Variants in AKAP6 observed in about 807,000 individuals in gnomAD.
AKAP6 encodes the protein A-kinase anchor protein 6.
A neutral mutation model predicts 188.5 loss-of-function variants in AKAP6; 58 were observed. The observed-to-expected ratio is 0.31, with a 90% CI of 0.25 to 0.38. The LOEUF (loss-of-function observed/expected upper bound fraction) is 0.38. Among genes scored for constraint, AKAP6 ranks in the 10% least tolerant of loss-of-function variants. The pLI is 1.00. For synonymous variants in AKAP6, 989 were observed against 998.6 expected (o/e 0.99, Z 0.18); for missense variants, 2,710 against 2,740.0 (o/e 0.99, Z 0.24).
intron 1 of AKAP6, among the ~76,000 whole-genome samples, chr14:32,405,348 T>A (rs1410576447): frequency 6.6e-6 from 1 of 152,144 alleles, no homozygotes; most frequent in Admixed American, 6.6e-5. Flanking sequence ...CCCTTGCTTG[T>A]ACAGGACAAA....
At chr14:32,652,949 A>G (rs1186530859) in intron 7 of AKAP6, among the ~76,000 whole-genome samples, 1 of 152,158 alleles carries the variant, frequency 6.6e-6, no homozygotes, top group East Asian at 1.9e-4. Flanking sequence ...GCTACTCAGG[A>G]GGCTGAGGTG....
intron 7 of AKAP6, among the ~76,000 whole-genome samples, chr14:32,614,761 A>T (rs1425093477): frequency 1.3e-5 from 2 of 152,132 alleles, no homozygotes; most frequent in East Asian, 3.9e-4. Flanking sequence ...AGTGAATCAC[A>T]GTTAGTCCAT....
intron 7 of AKAP6, among the ~76,000 whole-genome samples, chr14:32,675,680 G>A (rs1396575137): frequency 6.6e-6 from 1 of 152,150 alleles, no homozygotes; most frequent in Admixed American, 6.5e-5. Flanking sequence ...AGAAAGACCT[G>A]GGCCATCTAA....
At chr14:32,666,809 T>C (rs762368010) in intron 7 of AKAP6, among the ~76,000 whole-genome samples, 4 of 152,114 alleles carry the variant, frequency 2.6e-5, no homozygotes, top group Admixed American at 6.5e-5. Context: ...TAAAAATCAC[T>C]ATGGAATTAT....
chr14:32,693,415 A>G (rs78840903), intron 8 of AKAP6: 1 of 152,162 alleles, frequency 6.6e-6, no homozygotes, highest in Non-Finnish European at 1.5e-5. Flanking sequence ...CCTCTCAAGA[A>G]CCCTGGAGTC....
At position 32,735,708 on chromosome 14, in the gene AKAP6, G is replaced by A. The variant is rs368736211; in HGVS notation, c.3198G>A (p.Ser1066=). 193 of 1,613,236 alleles carry A rather than the reference G, an allele frequency of 1.2e-4. No individual in the cohort carries two copies. The highest frequency in any genetic ancestry group is 1.5e-4 in the Non-Finnish European group (182 of 1,179,724). ...ACACAATGGCAGGGCACAGTGGGTC[G>A]AGTCCACGTGACCTGCTCTCTCCTG... The part of the protein sequence containing the change: ...IQDTMAGHSG[S]SPRDLLSPES... The change falls in exon 11 of 14, where the codon TCG becomes TCA. Residue 1066 remains serine, a synonymous_variant. Coordinates refer to ENST00000280979, the MANE Select transcript of AKAP6 (RefSeq NM_004274.5).
intron 7 of AKAP6, among the ~76,000 whole-genome samples, chr14:32,626,293 T>C (rs1887019215): frequency 6.6e-6 from 1 of 152,122 alleles, no homozygotes; most frequent in Admixed American, 6.6e-5. Flanking sequence ...ACCCCAGTGG[T>C]CTTTCATATG....
At chr14:32,638,798 T>C (rs1414935903) in intron 7 of AKAP6, among the ~76,000 whole-genome samples, 1 of 151,940 alleles carries the variant, frequency 6.6e-6, no homozygotes, top group African/African-American at 2.4e-5. Context: ...AAGATTGTTA[T>C]AGATAAGAAA....
At position 32,376,183 on chromosome 14, in the gene AKAP6, C is replaced by G. The variant is rs899031486; in HGVS notation, c.-35+46775C>G. 1.1e-4 allele frequency: 16 copies of G among 152,342 alleles called. 1 individual carries two copies. Among genetic ancestry groups the G allele is most frequent in the African/African-American group, 3.6e-4 (15 of 41,582 alleles). The allele number at this position is 152,342 out of a possible 1,614,324, so 9.4% of individuals were successfully genotyped here. On this transcript the variant is annotated intron_variant, in intron 1 of 13. Coordinates refer to ENST00000280979, the MANE Select transcript of AKAP6 (RefSeq NM_004274.5). ...AAAGAACCTATTCTAACTTGTCTAC[C>G]AAGTGTTTTCCAAAGTTATTTGAAC...
intron 7 of AKAP6, among the ~76,000 whole-genome samples, chr14:32,659,306 A>T (rs1297329037): frequency 6.6e-6 from 1 of 152,168 alleles, no homozygotes; most frequent in Admixed American, 6.5e-5. Context: ...AAATAGTGTT[A>T]TGAAACCAAA....
At chr14:32,825,611 A>G (rs990790412) in intron 13 of AKAP6, among the ~76,000 whole-genome samples, 8 of 152,160 alleles carry the variant, frequency 5.3e-5, no homozygotes, top group Non-Finnish European at 1.0e-4. Context: ...TAATTCCAAG[A>G]TGATGATATG....
Position 32,617,825 on chromosome 14 carries a change from G to A in AKAP6, c.2730+17033G>A, listed in dbSNP as rs183472889. ...GTATTTTTAGTAGAGACAGGGTTTC[G>A]CCATGTTGGCAGGCTGGCCTCAAAC... On this transcript the variant is annotated intron_variant, in intron 7 of 13. Coordinates refer to ENST00000280979, the MANE Select transcript of AKAP6 (RefSeq NM_004274.5). Among the ~76,000 whole-genome samples the A allele has an allele frequency of 2.0e-3, 308 of 152,082 alleles. 2 individuals carry two copies. Among genetic ancestry groups the A allele is most frequent in the Non-Finnish European group, 3.0e-3 (205 of 67,958 alleles).
chr14:32,784,641 T>C (rs2033348658), intron 12 of AKAP6, among the ~76,000 whole-genome samples: 1 of 152,238 alleles, frequency 6.6e-6, no homozygotes, highest in Admixed American at 6.5e-5. Context: ...ATTGAACATG[T>C]ACTGTTTCTC....
chr14:32,600,735 C>A lies in AKAP6; in HGVS notation c.2673C>A (p.Ala891=), dbSNP rs141301966. The A allele has an allele frequency of 2.5e-6, 4 of 1,613,214 alleles. No homozygotes were observed. The highest frequency in any genetic ancestry group is 3.4e-6 in the Non-Finnish European group (4 of 1,179,724). Residue 891 remains alanine, a synonymous_variant, in exon 7 of 14, where the codon GCC becomes GCA. Transcript: ENST00000280979. ...TCAGGGCTCTGGATACCATCAAAGCCGAGATACTGGCTACTGATGTGTCTG... is the reference window on the plus strand; with the variant it reads ...TCAGGGCTCTGGATACCATCAAAGCAGAGATACTGGCTACTGATGTGTCTG... ...WILRALDTIK[A]EILATDVSVE...
chr14:32,422,551 G>T (rs1374483034), intron 1 of AKAP6, among the ~76,000 whole-genome samples: 1 of 152,134 alleles, frequency 6.6e-6, no homozygotes, highest in Non-Finnish European at 1.5e-5. Flanking sequence ...TGGGAAGCTT[G>T]TCTAAGCTTC....
intron 11 of AKAP6, among the ~76,000 whole-genome samples, chr14:32,741,544 A>G (rs1329124916): frequency 1.4e-5 from 2 of 145,832 alleles, no homozygotes; most frequent in Admixed American, 6.8e-5. Context: ...ATCCATCCCC[A>G]TTTTTTTTTT....
intron 7 of AKAP6, among the ~76,000 whole-genome samples, chr14:32,641,111 A>T: frequency 6.6e-6 from 1 of 151,352 alleles, no homozygotes; most frequent in East Asian, 1.9e-4. Flanking sequence ...GTCGTTGTGA[A>T]TTTTTTTTTC....
At chr14:32,624,330 C>T (rs1250244854) in intron 7 of AKAP6, among the ~76,000 whole-genome samples, 1 of 152,096 alleles carries the variant, frequency 6.6e-6, no homozygotes, top group Non-Finnish European at 1.5e-5. Flanking sequence ...ATTTCTGCAT[C>T]CTGCATTTGC....
chr14:32,710,410 C>T (rs1329321581), intron 9 of AKAP6, among the ~76,000 whole-genome samples: 2 of 151,954 alleles, frequency 1.3e-5, no homozygotes, highest in African/African-American at 4.8e-5. Flanking sequence ...TGCTTGCTTA[C>T]ATCTGTTGTT....
Sources: gnomAD v4.1 joint callset for allele counts (sites outside exome capture counted in the v4.1 genomes callset) on GRCh38, gnomAD v4.1.1 for gene constraint, MANE v1.5 for transcripts, NCBI Gene and HGNC (gene_info 2026-07-23, HGNC 2026-07-21) for gene names.